The following IMMP2L variants were observed in gnomAD, a reference collection of about 807,000 sequenced individuals.
The protein encoded by IMMP2L is inner mitochondrial membrane peptidase subunit 2.
Under a neutral mutation model 19.3 loss-of-function variants are expected in IMMP2L, and 18 were observed. The ratio of observed to expected loss-of-function variants is 0.93; its 90% CI spans 0.64 to 1.38. IMMP2L has a LOEUF of 1.38. IMMP2L is among the 40% of genes most tolerant of loss of function. The probability of loss-of-function intolerance (pLI) is 0.00; values close to 1 mark genes in which losing one functional copy is unlikely to be tolerated. For synonymous variants in IMMP2L, 76 were observed against 73.0 expected, an observed-to-expected ratio of 1.04 and a Z score of -0.21; for missense variants, 233 against 218.2, an observed-to-expected ratio of 1.07 and a Z score of -0.43.
At position 111,123,737 on chromosome 7, in the gene IMMP2L, T is replaced by G. The variant is rs779597159; in HGVS notation, c.240-160172A>C. 6.2e-7 allele frequency: 1 copy of G among 1,613,978 alleles called. No homozygotes were observed. Among genetic ancestry groups the G allele is most frequent in the Admixed American group, 1.7e-5 (1 of 59,956 alleles). On this transcript the variant is annotated intron_variant, in intron 3 of 5. Coordinates refer to ENST00000405709, the MANE Select transcript of IMMP2L (RefSeq NM_032549.4). This position sits in a 1 kb window ranked among gnomAD's most constrained non-coding sequence, Gnocchi z 6.4. ...ATAGAAGCTACTAACAACCCTAGAT[T>G]GTCTTACATTCACCCCAATGCATTT...
intron 3 of IMMP2L, among the ~76,000 whole-genome samples, chr7:111,233,860 A>C (rs1391430078): frequency 6.6e-6 from 1 of 152,126 alleles, no homozygotes; most frequent in Non-Finnish European, 1.5e-5. Context: ...AAATGTAAAA[A>C]TTTAAAAATT....
chr7:110,881,635 A>C (rs1333518159), intron 5 of IMMP2L, among the ~76,000 whole-genome samples: 2 of 152,222 alleles, frequency 1.3e-5, no homozygotes, highest in Non-Finnish European at 2.9e-5. Context: ...TTAAAATTTG[A>C]AATGGCTGAT....
At chr7:110,762,696 T>C (rs923018417) in intron 5 of IMMP2L, among the ~76,000 whole-genome samples, 9 of 152,190 alleles carry the variant, frequency 5.9e-5, no homozygotes, top group African/African-American at 1.7e-4. Flanking sequence ...TGGAGGTTTC[T>C]AAGGAAATCT....
At chr7:111,077,507 C>T (rs917099213) in intron 3 of IMMP2L, among the ~76,000 whole-genome samples, 1 of 152,114 alleles carries the variant, frequency 6.6e-6, no homozygotes, top group African/African-American at 2.4e-5. Context: ...CATTAACAGT[C>T]TTTATAGGTC....
At chr7:111,036,877 TATC>T (rs1397250174) in intron 3 of IMMP2L, among the ~76,000 whole-genome samples, 1 of 152,214 alleles carries the variant, frequency 6.6e-6, no homozygotes, top group Non-Finnish European at 1.5e-5. Flanking sequence ...TTATTCATGA[TATC>T]ATAAGAAATC....
At chr7:111,450,606 C>G (rs1464761703) in intron 3 of IMMP2L, among the ~76,000 whole-genome samples, 1 of 148,134 alleles carries the variant, frequency 6.8e-6, no homozygotes, top group Admixed American at 6.7e-5. Context: ...CATAAAAACC[C>G]TAGAAGAAAA....
chr7:110,780,142 A>G (rs886087598), intron 5 of IMMP2L, among the ~76,000 whole-genome samples: 1 of 151,538 alleles, frequency 6.6e-6, no homozygotes, highest in African/African-American at 2.4e-5. Context: ...AAGAGCTGAG[A>G]TATCCTGGTT....
intron 3 of IMMP2L, among the ~76,000 whole-genome samples, chr7:111,236,872 G>A (rs1279594524): frequency 6.6e-6 from 1 of 152,112 alleles, no homozygotes; most frequent in Non-Finnish European, 1.5e-5. Context: ...TGAACTGTCT[G>A]ATATTTAATG....
intron 5 of IMMP2L, among the ~76,000 whole-genome samples, chr7:110,833,556 G>T (rs2131395875): frequency 6.6e-6 from 1 of 152,012 alleles, no homozygotes; most frequent in African/African-American, 2.4e-5. Flanking sequence ...GATTTTTAGA[G>T]ACTTCATAGT....
chr7:110,974,324 A>G (rs532621120), intron 3 of IMMP2L, among the ~76,000 whole-genome samples: 88 of 152,214 alleles, frequency 5.8e-4, no homozygotes, highest in African/African-American at 2.0e-3. Flanking sequence ...CCAGTATGAA[A>G]TATGTGGGAT....
intron 5 of IMMP2L, among the ~76,000 whole-genome samples, chr7:110,794,330 T>A (rs1800703663): frequency 6.6e-6 from 1 of 151,926 alleles, no homozygotes; most frequent in Admixed American, 6.6e-5. Flanking sequence ...TAAAAAGAAA[T>A]GAAATTTCAA....
intron 3 of IMMP2L, among the ~76,000 whole-genome samples, chr7:111,444,525 C>T (rs1020350417): frequency 1.3e-5 from 2 of 152,102 alleles, no homozygotes; most frequent in Non-Finnish European, 2.9e-5. Flanking sequence ...ATTATAACAG[C>T]GTCTAGCATT....
chr7:111,493,053 A>G (rs1019738793), intron 2 of IMMP2L, among the ~76,000 whole-genome samples: 2 of 152,294 alleles, frequency 1.3e-5, no homozygotes, highest in African/African-American at 4.8e-5. Context: ...CTAAAAGATT[A>G]AAGGTTTTTA....
intron 3 of IMMP2L, among the ~76,000 whole-genome samples, chr7:111,217,876 T>A (rs1195687727): frequency 6.6e-6 from 1 of 152,056 alleles, no homozygotes; most frequent in African/African-American, 2.4e-5. Flanking sequence ...AAGTTTAGTA[T>A]TTTTGGCAAG....
intron 5 of IMMP2L, among the ~76,000 whole-genome samples, chr7:110,822,408 T>C (rs1803112410): frequency 6.6e-6 from 1 of 152,140 alleles, no homozygotes; most frequent in Non-Finnish European, 1.5e-5. Context: ...AAATGACTTG[T>C]AGTTCCTCAT....
At chr7:111,472,868 G>T (rs1841388293) in intron 3 of IMMP2L, among the ~76,000 whole-genome samples, 1 of 151,902 alleles carries the variant, frequency 6.6e-6, no homozygotes, top group South Asian at 2.1e-4. Flanking sequence ...GGCTGAGGTG[G>T]GTGGATCACT....
At chr7:111,190,352 T>G (rs1808729835) in intron 3 of IMMP2L, among the ~76,000 whole-genome samples, 1 of 152,128 alleles carries the variant, frequency 6.6e-6, no homozygotes, top group African/African-American at 2.4e-5. Flanking sequence ...AAAAAATAAA[T>G]CTAGCATTAC....
intron 5 of IMMP2L, among the ~76,000 whole-genome samples, chr7:110,733,971 T>C (rs903045514): frequency 1.3e-5 from 2 of 152,156 alleles, no homozygotes; most frequent in African/African-American, 4.8e-5. Context: ...ATTTCTACTA[T>C]GTAGAAATTA....
intron 3 of IMMP2L, among the ~76,000 whole-genome samples, chr7:111,131,700 A>C (rs994740105): frequency 3.3e-5 from 5 of 151,984 alleles, no homozygotes; most frequent in African/African-American, 1.2e-4. Flanking sequence ...ACATAATTAC[A>C]ACCCAATTTA....
Sources: gnomAD v4.1 joint callset for allele counts (sites outside exome capture counted in the v4.1 genomes callset) on GRCh38, gnomAD v4.1.1 for gene constraint, Gnocchi (gnomAD v3.1) non-coding constraint, MANE v1.5 for transcripts, NCBI Gene and HGNC (gene_info 2026-07-23, HGNC 2026-07-21) for gene names.